SLC43A2: variants seen among roughly 807,000 people sequenced by gnomAD.
SLC43A2 encodes the protein solute carrier family 43 member 2.
Under a neutral mutation model 63.2 loss-of-function variants are expected in SLC43A2, and 38 were observed. That is an observed-to-expected ratio of 0.60 (90% CI 0.46 to 0.79). The LOEUF is 0.79. SLC43A2 is among the 30% of genes least tolerant of loss of function. The probability of loss-of-function intolerance (pLI) is 0.00; values close to 1 mark genes in which losing one functional copy is unlikely to be tolerated. For missense variants in SLC43A2, 644 were observed against 756.2 expected (o/e 0.85, Z 1.74); for synonymous variants, 322 against 331.0 (o/e 0.97, Z 0.30).
intron 4 of SLC43A2, 38 bp downstream of exon 4, chr17:1,614,941 C>G (rs1402712088): frequency 3.7e-6 from 6 of 1,608,538 alleles, no homozygotes; most frequent in Non-Finnish European, 5.1e-6. Context: ...CACTCTCTCC[C>G]CGGTCCCTGA....
At position 1,572,114 on chromosome 17, in the gene SLC43A2, C is replaced by T. The variant is rs1415870902; in HGVS notation, c.*3490G>A. 2 of 152,776 alleles carry T rather than the reference C, an allele frequency of 1.3e-5. No homozygotes were observed. The highest frequency in any genetic ancestry group is 1.3e-4 in the Admixed American group (2 of 15,310). The allele number at this position is 152,776 out of a possible 1,614,324, so 9.5% of individuals were successfully genotyped here. Reference sequence around the variant, plus strand: ...GGTTGGGGTCACCAGGGATTGCTCCCCCAAGTACCCATCAGCCTCCAGGGC... The same window carrying T: ...GGTTGGGGTCACCAGGGATTGCTCCTCCAAGTACCCATCAGCCTCCAGGGC... On this transcript the variant is annotated 3_prime_UTR_variant, in exon 14 of 14. Coordinates refer to ENST00000301335, the MANE Select transcript of SLC43A2 (RefSeq NM_152346.3).
intron 6 of SLC43A2, among the ~76,000 whole-genome samples, chr17:1,591,913 G>C (rs574558135): frequency 2.0e-5 from 3 of 152,328 alleles, no homozygotes; most frequent in East Asian, 3.9e-4. Context: ...ATCTGGGCCT[G>C]GCGTGTGATT....
intron 9 of SLC43A2, among the ~76,000 whole-genome samples, chr17:1,590,224 G>T (rs552294503): frequency 3.9e-5 from 6 of 151,986 alleles, no homozygotes; most frequent in Non-Finnish European, 8.8e-5. Context: ...CTGAAGACCT[G>T]CCCTGTTTGG....
rs2075856597 is a variant in SLC43A2 at position 1,572,248 on chromosome 17, C to G, written c.*3356G>C. Reference sequence around the variant, plus strand: ...CTCCCCTTCCTTGGGCTGTGACCCCCCTGCCACAGAGGCCCCCCCCCCGCC... The same window carrying G: ...CTCCCCTTCCTTGGGCTGTGACCCCGCTGCCACAGAGGCCCCCCCCCCGCC... On this transcript the variant is annotated 3_prime_UTR_variant, in exon 14 of 14. Transcript: ENST00000301335. 2 of 145,972 alleles carry G rather than the reference C, an allele frequency of 1.4e-5. No homozygotes were observed. The highest frequency in any genetic ancestry group is 1.4e-4 in the Admixed American group (2 of 14,774). The allele number at this position is 145,972 out of a possible 1,614,324, so 9.0% of individuals were successfully genotyped here.
chr17:1,576,521 C>A (rs940339499), intron 13 of SLC43A2, 76 bp downstream of exon 13: 10 of 1,511,002 alleles, frequency 6.6e-6, no homozygotes, highest in Non-Finnish European at 8.8e-6. Context: ...CTGAAGCCCC[C>A]GAGGGGGACC....
chr17:1,602,938 T>C (rs910738049), intron 5 of SLC43A2, among the ~76,000 whole-genome samples: 7 of 151,840 alleles, frequency 4.6e-5, no homozygotes, highest in African/African-American at 1.7e-4. Flanking sequence ...TTTGTATTTT[T>C]AGTAGAGACA....
At chr17:1,595,971 A>C (rs763716326) in intron 5 of SLC43A2, among the ~76,000 whole-genome samples, 4 of 152,206 alleles carry the variant, frequency 2.6e-5, no homozygotes, top group Non-Finnish European at 5.9e-5. Context: ...TTTAAAAATG[A>C]GTAAGGGATG....
intron 9 of SLC43A2, among the ~76,000 whole-genome samples, chr17:1,586,298 C>T (rs566401072): frequency 1.3e-5 from 2 of 152,268 alleles, no homozygotes; most frequent in South Asian, 4.1e-4. Context: ...GCTAATGAAA[C>T]CCAGAGTGTC....
At chr17:1,576,775 C>A in intron 12 of SLC43A2, 55 bp from the exon 13 acceptor site, 1 of 1,588,948 alleles carries the variant, frequency 6.3e-7, no homozygotes. Context: ...TTGCTTGGCC[C>A]CAGGTGTCTG....
At chr17:1,599,725 T>C (rs1332755554) in intron 5 of SLC43A2, among the ~76,000 whole-genome samples, 1 of 150,774 alleles carries the variant, frequency 6.6e-6, no homozygotes, top group Non-Finnish European at 1.5e-5. Flanking sequence ...CTTTTACTAA[T>C]GACTTTCAAC....
rs985497168 is a variant in SLC43A2, at chr17:1,573,870, G to A, written c.*1734C>T. ...TGACCTCAGGTGAGCCTCCTGCCTT[G>A]GCCTCCCAAAGTGCTGGGATTATAG... On this transcript the variant is annotated 3_prime_UTR_variant, in exon 14 of 14. Transcript: ENST00000301335. The A allele has an allele frequency of 3.3e-5, 5 of 152,134 alleles. No individual in the cohort carries two copies. The highest frequency in any genetic ancestry group is 6.5e-5 in the Admixed American group (1 of 15,274). The allele number at this position is 152,134 out of a possible 1,614,324, so 9.4% of individuals were successfully genotyped here.
rs2075820201 is a variant in SLC43A2, at chr17:1,569,853, G to C, written c.*5751C>G. The C allele has an allele frequency of 6.6e-6, 1 of 151,654 alleles. No homozygotes were observed. The highest frequency in any genetic ancestry group is 1.5e-5 in the Non-Finnish European group (1 of 67,960). 9.4% of individuals were successfully genotyped at this position (151,654 alleles called of 1,614,324 possible). A position where few individuals can be genotyped will look rare whatever the true frequency, so the allele number is the denominator to read the frequency against. Reference sequence around the variant, plus strand: ...TTTGCTCGGAGAGGGCTTCGGAGAAGGGTGGGGTCAGCAGATACAGACCTT... The same window carrying C: ...TTTGCTCGGAGAGGGCTTCGGAGAACGGTGGGGTCAGCAGATACAGACCTT... On this transcript the variant is annotated 3_prime_UTR_variant, in exon 14 of 14. Coordinates refer to ENST00000301335, the MANE Select transcript of SLC43A2 (RefSeq NM_152346.3).
At chr17:1,615,703 C>G (rs189257150) in intron 3 of SLC43A2, among the ~76,000 whole-genome samples, 3 of 148,152 alleles carry the variant, frequency 2.0e-5, no homozygotes, top group Non-Finnish European at 4.5e-5. Flanking sequence ...ATTAGCCGGG[C>G]GTGGTGGCAG....
intron 2 of SLC43A2, among the ~76,000 whole-genome samples, chr17:1,624,297 G>T (rs1908449521): frequency 6.6e-6 from 1 of 152,146 alleles, no homozygotes; most frequent in Non-Finnish European, 1.5e-5. Context: ...AATTAACTGG[G>T]TATGGTGGCT....
intron 2 of SLC43A2, among the ~76,000 whole-genome samples, chr17:1,617,593 G>T (rs574249404): frequency 3.2e-4 from 49 of 152,316 alleles, no homozygotes; most frequent in African/African-American, 1.2e-3. Context: ...GTTTCATCAT[G>T]TTGCCCAGGC....
At chr17:1,599,986 G>A (rs1905765104) in intron 5 of SLC43A2, among the ~76,000 whole-genome samples, 1 of 147,206 alleles carries the variant, frequency 6.8e-6, no homozygotes, top group African/African-American at 2.5e-5. Context: ...AGAGCTTGCA[G>A]TGAGCTGAGA....
In SLC43A2 at chr17:1,573,440, TGAG is replaced by T. The variant is rs1052308036; in HGVS notation, c.*2161_*2163del. 5.3e-5 allele frequency: 8 copies of T among 152,262 alleles called. No individual in the cohort carries two copies. The highest frequency in any genetic ancestry group is 1.0e-4 in the Non-Finnish European group (7 of 68,062). The allele number at this position is 152,262 out of a possible 1,614,324, so 9.4% of individuals were successfully genotyped here. ...CTCGGCAGCACAGCACACCCGCTCC[TGAG>T]GAGCCACGGAGCTCATGAGCGTTGG... On this transcript the variant is annotated 3_prime_UTR_variant, in exon 14 of 14. Coordinates refer to ENST00000301335, the MANE Select transcript of SLC43A2 (RefSeq NM_152346.3).
rs944554603 is a variant in SLC43A2 at position 1,569,699 on chromosome 17, C to G, written c.*5905G>C. ...TGACCGTGCCTTGAGTCGCCCCACTCAGCAGAAACCTCACTCAGCAGAAAC... is the reference window on the plus strand; with the variant it reads ...TGACCGTGCCTTGAGTCGCCCCACTGAGCAGAAACCTCACTCAGCAGAAAC... On this transcript the variant is annotated 3_prime_UTR_variant, in exon 14 of 14. Coordinates refer to ENST00000301335, the MANE Select transcript of SLC43A2 (RefSeq NM_152346.3). The G allele has an allele frequency of 6.6e-6, 1 of 152,340 alleles. No individual in the cohort carries two copies. Among genetic ancestry groups the G allele is most frequent in the Non-Finnish European group, 1.5e-5 (1 of 68,034 alleles). 9.4% of individuals were successfully genotyped at this position (152,340 alleles called of 1,614,324 possible).
In SLC43A2 at chr17:1,577,309, G is replaced by A. The variant is rs1024287240; in HGVS notation, c.1425-589C>T. On this transcript the variant is annotated intron_variant, in intron 12 of 13. Coordinates refer to ENST00000301335, the MANE Select transcript of SLC43A2 (RefSeq NM_152346.3). The surrounding 1 kb of genome is among the most constrained non-coding windows in gnomAD (Gnocchi z 4.9). Reference sequence around the variant, plus strand: ...AAGCGTGGTGCCAGCGGGGACCTGCGGTTTGGGAAACAGGCCCAGAGAGGA... The same window carrying A: ...AAGCGTGGTGCCAGCGGGGACCTGCAGTTTGGGAAACAGGCCCAGAGAGGA... 5.3e-5 allele frequency among the ~76,000 whole-genome samples: 8 copies of A among 152,210 alleles called. No homozygotes were observed. The highest frequency in any genetic ancestry group is 1.3e-4 in the Admixed American group (2 of 15,280).
Sources: allele counts gnomAD v4.1 joint callset (sites outside exome capture counted in the v4.1 genomes callset), GRCh38; gene constraint gnomAD v4.1.1; non-coding constraint Gnocchi (gnomAD v3.1); transcripts MANE v1.5; gene names NCBI Gene and HGNC (gene_info 2026-07-23, HGNC 2026-07-21).